The following TMPRSS3 variants were observed in gnomAD, a reference collection of about 807,000 sequenced individuals.
The protein encoded by TMPRSS3 is transmembrane serine protease 3, also known as transmembrane protease serine 3.
In TMPRSS3, 55 loss-of-function variants were observed where a neutral mutation model predicts 59.6. That is an observed-to-expected ratio of 0.92 (90% CI 0.74 to 1.16). The LOEUF (loss-of-function observed/expected upper bound fraction) is 1.16, where lower values mean the gene tolerates loss of function less well. Ranked by LOEUF, TMPRSS3 falls within the 50% of genes most tolerant of loss-of-function variation. TMPRSS3 has a pLI of 0.00. For synonymous variants in TMPRSS3, 257 were observed against 237.7 expected (o/e 1.08, Z -0.75); for missense variants, 596 against 579.4 (o/e 1.03, Z -0.29).
At position 42,389,111 on chromosome 21, in the gene TMPRSS3, C is replaced by A; in HGVS notation, c.206-66G>T. The A allele has an allele frequency of 8.7e-6, 14 of 1,606,050 alleles. No homozygotes were observed. In the South Asian group the frequency reaches 1.6e-4, roughly 18 times the overall value. ...TTCAGAGTGCAACACTAACAACTGT[C>A]CCCCTGCCACACAGTGCGGAGCTGG... On this transcript the variant is annotated intron_variant, in intron 3 of 12. Coordinates refer to ENST00000644384, the MANE Select transcript of TMPRSS3 (RefSeq NM_001256317.3).
intron 2 of TMPRSS3, among the ~76,000 whole-genome samples, chr21:42,392,315 A>G (rs2052744078): frequency 6.6e-6 from 1 of 152,252 alleles, no homozygotes. Context: ...TGATGAAAAG[A>G]CATGGAATGC....
chr21:42,379,428 G>T (rs1343636917), intron 10 of TMPRSS3, among the ~76,000 whole-genome samples: 3 of 152,170 alleles, frequency 2.0e-5, no homozygotes, highest in Admixed American at 6.5e-5. Context: ...CTCCCAAAAT[G>T]CTGGGACTAC....
rs1568877369 is a variant in TMPRSS3, at chr21:42,376,527, C to A, written c.1191+14G>T. The A allele has an allele frequency of 1.2e-6, 2 of 1,612,688 alleles. No individual in the cohort carries two copies. Among genetic ancestry groups the A allele is most frequent in the East Asian group, 4.5e-5 (2 of 44,876 alleles). On this transcript the variant is annotated intron_variant, in intron 11 of 12. Transcript: ENST00000644384. ...CACCCTGCCACGGCCTCGCCCACCGCTGCGGCCCCGTACCTGGCAGCTGTC... is the reference window on the plus strand; with the variant it reads ...CACCCTGCCACGGCCTCGCCCACCGATGCGGCCCCGTACCTGGCAGCTGTC...
intron 3 of TMPRSS3, 32 bp from the exon 4 acceptor site, chr21:42,389,077 A>G: frequency 6.2e-7 from 1 of 1,613,388 alleles, no homozygotes; most frequent in Non-Finnish European, 8.5e-7. Flanking sequence ...GGAATTAACC[A>G]ACAGCTCTTT....
chr21:42,380,040 G>T, intron 10 of TMPRSS3, 77 bp downstream of exon 10: 1 of 1,225,106 alleles, frequency 8.2e-7, no homozygotes, highest in Non-Finnish European at 1.2e-6. Context: ...ATCACAATGG[G>T]ACATTGGGGG....
At chr21:42,385,366 G>T in intron 6 of TMPRSS3, 43 bp downstream of exon 6, 1 of 1,612,426 alleles carries the variant, frequency 6.2e-7, no homozygotes, top group South Asian at 1.1e-5. Flanking sequence ...TCCAGCAGGT[G>T]ACTCGATACC....
chr21:42,380,384 C>G (rs1389083323), intron 9 of TMPRSS3, among the ~76,000 whole-genome samples, 172 bp from the exon 10 acceptor site: 1 of 152,166 alleles, frequency 6.6e-6, no homozygotes, highest in African/African-American at 2.4e-5. Context: ...TTACCCCATC[C>G]ACCACACCCA....
intron 8 of TMPRSS3, chr21:42,382,465 C>T (rs1373351060): frequency 4.4e-5 from 25 of 563,330 alleles, no homozygotes; most frequent in East Asian, 1.2e-4. Flanking sequence ...CCTCTGAGGT[C>T]GTCTTGGCAT....
intron 5 of TMPRSS3, among the ~76,000 whole-genome samples, chr21:42,385,989 CA>C (rs1345351099): frequency 6.6e-6 from 1 of 152,172 alleles, no homozygotes; most frequent in African/African-American, 2.4e-5. Context: ...ACAGGAGAGA[CA>C]TCCCTCACCT....
Position 42,383,190 on chromosome 21 carries a change from G to T in TMPRSS3, c.625C>A (p.His209Asn). The change falls in exon 8 of 13, where the codon CAT becomes AAT. Residue 209 changes from histidine (H) to asparagine (N), a missense_variant. Transcript: ENST00000644384. The stretch of plus-strand genomic sequence containing the variant: ...ATGCGTGAGCTGTAGCCCCTTCTAT[G>T]ACCACAGGCTATGGAGGGGAACAAA... Reference protein sequence around the residue: ...VVTLQCTACGHRRGYSSRIVG... With the variant: ...VVTLQCTACGNRRGYSSRIVG... The T allele has an allele frequency of 6.2e-7, 1 of 1,612,144 alleles. No individual in the cohort carries two copies.
At chr21:42,389,882 T>A (rs1419816135) in intron 3 of TMPRSS3, 45 bp downstream of exon 3, 1 of 1,445,108 alleles carries the variant, frequency 6.9e-7, no homozygotes, top group Non-Finnish European at 9.7e-7. Flanking sequence ...GTTTAACTAC[T>A]TGGCTAGGTA....
chr21:42,385,471 C>T lies in TMPRSS3; in HGVS notation c.510G>A (p.Val170=), dbSNP rs1035504795. 6.8e-6 allele frequency: 11 copies of T among 1,614,020 alleles called. No homozygotes were observed. The East Asian group carries it at 1.3e-4, about 20-fold the overall frequency. The change falls in exon 6 of 13, where the codon GTG becomes GTA. Residue 170 remains valine (V), a synonymous_variant. Transcript: ENST00000644384. ...CATCTGGCAAGAGGTGATCGATGGA[C>T]ACAAACTCCTCCCGGAACTGCCCCT... ...SLEGQFREEF[V]SIDHLLPDDK... is the part of the protein sequence containing the mutation.
intron 9 of TMPRSS3, chr21:42,381,746 T>A: frequency 2.1e-6 from 1 of 478,436 alleles, no homozygotes; most frequent in East Asian, 4.0e-5. Context: ...GTGCATTCAT[T>A]CTGTAGGCCA....
In TMPRSS3 at chr21:42,390,019, G is replaced by A. The variant is rs1188862235; in HGVS notation, c.113C>T (p.Ala38Val). The change falls in exon 3 of 13, where the codon GCA becomes GTA. Residue 38 changes from alanine (A) to valine (V), a missense_variant. By Grantham distance (64) the Ala-to-Val change is moderately conservative. Coordinates refer to ENST00000644384, the MANE Select transcript of TMPRSS3 (RefSeq NM_001256317.3). ...PVAPDADAVA[A>V]QILSLLPLKF... ...CAATGGCAGCAGTGACAGGATCTGT[G>A]CAGCAACAGCATCTGCATCTGAAAA... is the stretch of plus-strand genomic sequence containing the variant. 6.2e-7 allele frequency: 1 copy of A among 1,614,000 alleles called. No homozygotes were observed. Among genetic ancestry groups the A allele is most frequent in the African/African-American group, 1.3e-5 (1 of 75,068 alleles).
intron 12 of TMPRSS3, among the ~76,000 whole-genome samples, chr21:42,374,619 C>T (rs1040550221): frequency 3.9e-5 from 6 of 151,952 alleles, no homozygotes; most frequent in African/African-American, 1.5e-4. Flanking sequence ...TCTAGGGTGC[C>T]GCGTGTCTTT....
chr21:42,382,676 T>C lies in TMPRSS3; in HGVS notation c.782+357A>G, dbSNP rs182788862. 1,260 of 414,416 alleles carry C rather than the reference T, an allele frequency of 3.0e-3. 11 individuals are homozygous for C. Among genetic ancestry groups the C allele is most frequent in the African/African-American group, 0.023 (1,149 of 49,466 alleles). The allele number at this position is 414,416 out of a possible 1,614,324, so 25.7% of individuals were successfully genotyped here. A position where few individuals can be genotyped will look rare whatever the true frequency, so the allele number is the denominator to read the frequency against. ...GGCCCCCAACATATTCCCTCTAGCC[T>C]CCCGCACCACCGTCTCACCCTGTCT... On this transcript the variant is annotated intron_variant, in intron 8 of 12. Transcript: ENST00000644384.
chr21:42,380,319 A>C, intron 9 of TMPRSS3, 107 bp from the exon 10 acceptor site: 1 of 885,036 alleles, frequency 1.1e-6, no homozygotes, highest in Non-Finnish European at 1.8e-6. Context: ...CTCCCAAGGG[A>C]AGGAAGGTCA....
chr21:42,394,595 C>T (rs2052777856), intron 2 of TMPRSS3, among the ~76,000 whole-genome samples: 1 of 152,164 alleles, frequency 6.6e-6, no homozygotes, highest in Non-Finnish European at 1.5e-5. Context: ...TCCAAACCTC[C>T]TCCAAGCCAA....
At position 42,372,740 on chromosome 21, in the gene TMPRSS3, T is replaced by G. The variant is rs760543023; in HGVS notation, c.*22A>C. 3 of 1,613,934 alleles carry G rather than the reference T, an allele frequency of 1.9e-6. No homozygotes were observed. The East Asian group carries it at 6.7e-5, about 36-fold the overall frequency. ...GTCTTCATCACCTCAGGAACTCAGG[T>G]GGCTACTTGTCCCCTTCCTCTTCAG... is the stretch of plus-strand genomic sequence containing the variant. On this transcript the variant is annotated 3_prime_UTR_variant, in exon 13 of 13. Transcript: ENST00000644384.
Sources: allele counts gnomAD v4.1 joint callset (sites outside exome capture counted in the v4.1 genomes callset), GRCh38; gene constraint gnomAD v4.1.1; transcripts MANE v1.5; gene names NCBI Gene and HGNC (gene_info 2026-07-23, HGNC 2026-07-21).